Variants in ERMN observed in about 807,000 individuals in gnomAD.
The protein encoded by ERMN is ermin, also known as ermin, ERM-like protein.
In ERMN, 17 loss-of-function variants were observed where a neutral mutation model predicts 21.4. That is an observed-to-expected ratio of 0.80 (90% CI 0.54 to 1.19). The LOEUF (loss-of-function observed/expected upper bound fraction) is 1.19, where lower values mean the gene tolerates loss of function less well. Ranked by LOEUF, ERMN falls within the 50% of genes most tolerant of loss-of-function variation. ERMN has a pLI of 0.00. For missense variants in ERMN, 348 were observed against 331.6 expected (o/e 1.05, Z -0.38); for synonymous variants, 115 against 111.9 (o/e 1.03, Z -0.17).
chr2:157,323,723 A>T (rs547959512), intron 2 of ERMN, among the ~76,000 whole-genome samples: 2 of 152,332 alleles, frequency 1.3e-5, no homozygotes, highest in South Asian at 4.1e-4. Flanking sequence ...TTATTTGGGA[A>T]CTGTTTAAAT....
chr2:157,323,242 C>G (rs985556292), intron 2 of ERMN, among the ~76,000 whole-genome samples: 5 of 152,126 alleles, frequency 3.3e-5, no homozygotes, highest in African/African-American at 1.2e-4. Flanking sequence ...GCAATGGACT[C>G]CTGATCAAAC....
At chr2:157,322,805 G>T (rs188565323) in intron 2 of ERMN, among the ~76,000 whole-genome samples, 1 of 152,108 alleles carries the variant, frequency 6.6e-6, no homozygotes, top group South Asian at 2.1e-4. Flanking sequence ...CTAGTGTCCC[G>T]TCAATGTTCC....
Position 157,321,345 on chromosome 2 carries a change from T to C in ERMN, c.781A>G (p.Ile261Val), listed in dbSNP as rs1291590888. 3.1e-6 allele frequency: 5 copies of C among 1,614,004 alleles called. No homozygotes were observed. The highest frequency in any genetic ancestry group is 3.3e-5 in the Admixed American group (2 of 59,988). The change falls in exon 3 of 3, where the codon ATA becomes GTA. Residue 261 changes from isoleucine (I) to valine (V), a missense_variant. Coordinates refer to ENST00000410096, the MANE Select transcript of ERMN (RefSeq NM_020711.3). ...SRNAYSRYNT[I>V]SYRKIRKGNT... ...CCCTTTCTGATTTTCCGATAGGATA[T>C]TGTATTGTATCTGGAATAAGCATTT...
At chr2:157,325,854 T>C, upstream of ERMN, 3 of 1,413,828 alleles carry the variant, frequency 2.1e-6, no homozygotes, top group Non-Finnish European at 2.8e-6. Flanking sequence ...TTGTCAGATC[T>C]GCCAGGAGCC....
chr2:157,321,727 C>T lies in ERMN; in HGVS notation c.399G>A (p.Arg133=). The change falls in exon 3 of 3, where the codon AGG becomes AGA. Residue 133 remains arginine, a synonymous_variant. Transcript: ENST00000410096. ...SNQEIRRQKE[R]ITEQPLKEEE... The stretch of plus-strand genomic sequence containing the variant: ...CCTCTTTGAGAGGCTGCTCAGTAAT[C>T]CTCTCCTTCTGTCTTCTTATTTCCT... 1 of 1,613,844 alleles carries T rather than the reference C, an allele frequency of 6.2e-7. No homozygotes were observed. Among genetic ancestry groups the T allele is most frequent in the Non-Finnish European group, 8.5e-7 (1 of 1,179,958 alleles).
Position 157,325,484 on chromosome 2 carries a change from G to A in ERMN, c.159C>T (p.Leu53=). The change falls in exon 1 of 3, where the codon CTC becomes CTT. Residue 53 remains leucine (L), a synonymous_variant. Coordinates refer to ENST00000410096, the MANE Select transcript of ERMN (RefSeq NM_020711.3). ...YRVEPSLEGA[L]TKGSQEERRK... ...TTCTTTCCTCCTGACTTCCTTTGGT[G>A]AGTGCACCTTCCAGACTGGGTTCTA... 1 of 1,614,172 alleles carries A rather than the reference G, an allele frequency of 6.2e-7. No individual in the cohort carries two copies. Among genetic ancestry groups the A allele is most frequent in the Non-Finnish European group, 8.5e-7 (1 of 1,180,012 alleles).
chr2:157,327,440 T>C, upstream of ERMN: 1 of 779,662 alleles, frequency 1.3e-6, no homozygotes, highest in Non-Finnish European at 2.4e-6. Flanking sequence ...CAAGCTACTG[T>C]CCTAATTGAC....
At chr2:157,327,501 C>T (rs774300905), upstream of ERMN, 1 of 779,566 alleles carries the variant, frequency 1.3e-6, no homozygotes, top group East Asian at 2.4e-5. Flanking sequence ...GAGGTAGGTG[C>T]TGTTGTTATC....
chr2:157,324,529 T>A, intron 2 of ERMN, 141 bp downstream of exon 2: 1 of 666,956 alleles, frequency 1.5e-6, no homozygotes, highest in Admixed American at 2.7e-5. Flanking sequence ...GACTCTCTTA[T>A]CTGCCTACAG....
At position 157,319,437 on chromosome 2, in the gene ERMN, A is replaced by G. The variant is rs909493866; in HGVS notation, c.*1834T>C. 3 of 152,138 alleles carry G rather than the reference A, an allele frequency of 2.0e-5. No individual in the cohort carries two copies. Among genetic ancestry groups the G allele is most frequent in the Admixed American group, 6.6e-5 (1 of 15,254 alleles). 9.4% of individuals were successfully genotyped at this position (152,138 alleles called of 1,614,324 possible). On this transcript the variant is annotated 3_prime_UTR_variant, in exon 3 of 3. Coordinates refer to ENST00000410096, the MANE Select transcript of ERMN (RefSeq NM_020711.3). ...TCTCTGTTGGAATAACTCAAAATAC[A>G]GGCTCTTGATGGTAGGTTAAAAACA... is the stretch of plus-strand genomic sequence containing the variant.
upstream of ERMN, among the ~76,000 whole-genome samples, chr2:157,326,634 C>T (rs1162164893): frequency 6.6e-6 from 1 of 152,170 alleles, no homozygotes; most frequent in African/African-American, 2.4e-5. Flanking sequence ...CTGACCACCC[C>T]TTCCTTTTTA....
In ERMN at chr2:157,325,526, G is replaced by T; in HGVS notation, c.117C>A (p.Pro39=). 1.9e-6 allele frequency: 3 copies of T among 1,614,162 alleles called. No individual in the cohort carries two copies. The highest frequency in any genetic ancestry group is 2.5e-6 in the Non-Finnish European group (3 of 1,180,032). Residue 39 remains proline (P), a synonymous_variant, in exon 1 of 3, where the codon CCC becomes CCA. Transcript: ENST00000410096. The part of the protein sequence containing the change: ...ISEELTDVDS[P]LPHYRVEPSL... ...TGGGTTCTACCCTGTAGTGTGGCAG[G>T]GGGCTGTCCACATCAGTCAATTCCT... is the stretch of plus-strand genomic sequence containing the variant.
Position 157,321,162 on chromosome 2 carries a change from C to T in ERMN, c.*109G>A. Reference sequence around the variant, plus strand: ...CTACAGTGAAAAAGAGAGTCAACTTCCACCTCCCTCCAAGTGATAACTCAA... The same window carrying T: ...CTACAGTGAAAAAGAGAGTCAACTTTCACCTCCCTCCAAGTGATAACTCAA... On this transcript the variant is annotated 3_prime_UTR_variant, in exon 3 of 3. Transcript: ENST00000410096. 5 of 1,457,628 alleles carry T rather than the reference C, an allele frequency of 3.4e-6. No individual in the cohort carries two copies. Among genetic ancestry groups the T allele is most frequent in the Non-Finnish European group, 4.6e-6 (5 of 1,097,636 alleles). The allele number at this position is 1,457,628 out of a possible 1,614,324, so 90.3% of individuals were successfully genotyped here.
chr2:157,325,977 T>C, upstream of ERMN: 1 of 1,168,918 alleles, frequency 8.6e-7, no homozygotes, highest in Non-Finnish European at 1.1e-6. Flanking sequence ...AATCAGGCTT[T>C]TGTGTTGGCA....
intron 2 of ERMN, chr2:157,324,093 T>TACACAC (rs61547889): frequency 2.2e-4 from 37 of 166,092 alleles, no homozygotes; most frequent in African/African-American, 7.8e-4. Context: ...CTACTAAAAA[T>TACACAC]ACACACACAC....
At chr2:157,323,787 T>G (rs552144632) in intron 2 of ERMN, among the ~76,000 whole-genome samples, 4 of 152,328 alleles carry the variant, frequency 2.6e-5, no homozygotes, top group African/African-American at 9.6e-5. Flanking sequence ...CTATTAAGTT[T>G]ATTTAAAATT....
chr2:157,324,793 AC>A, intron 1 of ERMN, 31 bp from the exon 2 acceptor site: 2 of 1,465,300 alleles, frequency 1.4e-6, no homozygotes, highest in Non-Finnish European at 1.9e-6. Context: ...CAGTATTTTA[AC>A]ATTTAAAATA....
Position 157,321,141 on chromosome 2 carries a change from A to G in ERMN, c.*130T>C, listed in dbSNP as rs1574045686. 5 of 1,317,424 alleles carry G rather than the reference A, an allele frequency of 3.8e-6. No individual in the cohort carries two copies. The South Asian group carries it at 5.9e-5, about 16-fold the overall frequency. 81.6% of individuals were successfully genotyped at this position (1,317,424 alleles called of 1,614,324 possible). On this transcript the variant is annotated 3_prime_UTR_variant, in exon 3 of 3. Coordinates refer to ENST00000410096, the MANE Select transcript of ERMN (RefSeq NM_020711.3). ...TAGGGTTATTTCCACATTATTCTAC[A>G]GTGAAAAAGAGAGTCAACTTCCACC...
At chr2:157,327,638 T>G, upstream of ERMN, 2 of 602,732 alleles carry the variant, frequency 3.3e-6, no homozygotes, top group Non-Finnish European at 6.0e-6. Context: ...ATCCCTGGCC[T>G]GTGTGCAGAT....
Sources: gnomAD v4.1 joint callset for allele counts (sites outside exome capture counted in the v4.1 genomes callset) on GRCh38, gnomAD v4.1.1 for gene constraint, MANE v1.5 for transcripts, NCBI Gene and HGNC (gene_info 2026-07-23, HGNC 2026-07-21) for gene names.